Variants in CD3E observed in about 807,000 individuals in gnomAD.
CD3E encodes the protein CD3 epsilon subunit of T-cell receptor complex, also known as T-cell surface glycoprotein CD3 epsilon chain.
In CD3E, 16 loss-of-function variants were observed where a neutral mutation model predicts 34.7. The ratio of observed to expected loss-of-function variants is 0.46; its 90% CI spans 0.31 to 0.70. The LOEUF (loss-of-function observed/expected upper bound fraction) is 0.70. Among genes scored for constraint, CD3E ranks in the 30% least tolerant of loss-of-function variants. The pLI, the probability that CD3E is intolerant of heterozygous loss-of-function variation, is 0.05. For missense variants in CD3E, 223 were observed against 253.9 expected (o/e 0.88, Z 0.83); for synonymous variants, 70 against 90.8 (o/e 0.77, Z 1.30).
intron 6 of CD3E, 75 bp from the exon 7 acceptor site, chr11:118,313,632 A>G (rs1948148374): frequency 3.6e-6 from 5 of 1,398,592 alleles, no homozygotes; most frequent in African/African-American, 1.4e-5. Context: ...GCCTTCATGC[A>G]CTCCCTCCTC....
At chr11:118,312,423 C>A in intron 5 of CD3E, 195 bp from the exon 6 acceptor site, 1 of 733,366 alleles carries the variant, frequency 1.4e-6, no homozygotes. Flanking sequence ...TAGTTCCCTT[C>A]AAGGTTCTCT....
In CD3E at chr11:118,304,769, A is replaced by C; in HGVS notation, c.-67A>C. 1.4e-6 allele frequency: 1 copy of C among 692,182 alleles called. No individual in the cohort carries two copies. Among genetic ancestry groups the C allele is most frequent in the Admixed American group, 2.0e-5 (1 of 50,534 alleles). 42.9% of individuals were successfully genotyped at this position (692,182 alleles called of 1,614,324 possible). A position where few individuals can be genotyped will look rare whatever the true frequency, so the allele number is the denominator to read the frequency against. On this transcript the variant is annotated 5_prime_UTR_variant, in exon 1 of 9. Coordinates refer to ENST00000361763, the MANE Select transcript of CD3E (RefSeq NM_000733.4). The stretch of plus-strand genomic sequence containing the variant: ...CCTCCCAGCCTCAGGTGCCTGCTTC[A>C]GAAAATGGTGAGTCTCTCTCTTATA...
In CD3E at chr11:118,315,646, T is replaced by C; in HGVS notation, c.*104T>C. The C allele has an allele frequency of 9.7e-7, 1 of 1,027,154 alleles. No individual in the cohort carries two copies. Among genetic ancestry groups the C allele is most frequent in the Non-Finnish European group, 1.5e-6 (1 of 674,350 alleles). 63.6% of individuals were successfully genotyped at this position (1,027,154 alleles called of 1,614,324 possible). On this transcript the variant is annotated 3_prime_UTR_variant, in exon 9 of 9. Coordinates refer to ENST00000361763, the MANE Select transcript of CD3E (RefSeq NM_000733.4). ...CTTGGACCCCACGAGAGAGAATCGT[T>C]CCTCAGCCTCATGGTGAACTCGCGC...
intron 8 of CD3E, among the ~76,000 whole-genome samples, chr11:118,314,824 A>G (rs908184487): frequency 2.0e-5 from 3 of 152,200 alleles, no homozygotes; most frequent in African/African-American, 7.2e-5. Flanking sequence ...ATATTCCACC[A>G]GCATGCACCA....
chr11:118,315,649 T>C lies in CD3E; in HGVS notation c.*107T>C. 9.9e-7 allele frequency: 1 copy of C among 1,013,066 alleles called. No homozygotes were observed. 62.8% of individuals were successfully genotyped at this position (1,013,066 alleles called of 1,614,324 possible). A position where few individuals can be genotyped will look rare whatever the true frequency, so the allele number is the denominator to read the frequency against. On this transcript the variant is annotated 3_prime_UTR_variant, in exon 9 of 9. Coordinates refer to ENST00000361763, the MANE Select transcript of CD3E (RefSeq NM_000733.4). Reference sequence around the variant, plus strand: ...GGACCCCACGAGAGAGAATCGTTCCTCAGCCTCATGGTGAACTCGCGCCCT... The same window carrying C: ...GGACCCCACGAGAGAGAATCGTTCCCCAGCCTCATGGTGAACTCGCGCCCT...
At position 118,312,822 on chromosome 11, in the gene CD3E, G is replaced by C. The variant is rs775071042; in HGVS notation, c.308G>C (p.Ser103Thr). The change falls in exon 6 of 9, where the codon AGC (serine) becomes ACC (threonine). Residue 103 changes from serine (S) to threonine (T), a missense_variant. By Grantham distance (58) the Ser-to-Thr change is moderately conservative. Transcript: ENST00000361763. ...TATTATGTCTGCTACCCCAGAGGAAGCAAACCAGAAGATGCGAACTTTTAT... is the reference window on the plus strand; with the variant it reads ...TATTATGTCTGCTACCCCAGAGGAACCAAACCAGAAGATGCGAACTTTTAT... ...SGYYVCYPRG[S>T]KPEDANFYLY... The C allele has an allele frequency of 1.2e-6, 2 of 1,614,194 alleles. No individual in the cohort carries two copies. Among genetic ancestry groups the C allele is most frequent in the South Asian group, 2.2e-5 (2 of 91,088 alleles).
chr11:118,315,650 C>G lies in CD3E; in HGVS notation c.*108C>G. On this transcript the variant is annotated 3_prime_UTR_variant, in exon 9 of 9. Coordinates refer to ENST00000361763, the MANE Select transcript of CD3E (RefSeq NM_000733.4). ...GACCCCACGAGAGAGAATCGTTCCT[C>G]AGCCTCATGGTGAACTCGCGCCCTC... The G allele has an allele frequency of 9.9e-7, 1 of 1,006,874 alleles. No homozygotes were observed. The highest frequency in any genetic ancestry group is 1.5e-6 in the Non-Finnish European group (1 of 656,546). The allele number at this position is 1,006,874 out of a possible 1,614,324, so 62.4% of individuals were successfully genotyped here.
At chr11:118,311,171 C>T (rs1304342671) in intron 4 of CD3E, among the ~76,000 whole-genome samples, 2 of 152,180 alleles carry the variant, frequency 1.3e-5, no homozygotes, top group African/African-American at 4.8e-5. Context: ...AGGGCAGATC[C>T]AGGATTCAAA....
In CD3E at chr11:118,315,632, C is replaced by T. The variant is rs201116390; in HGVS notation, c.*90C>T. On this transcript the variant is annotated 3_prime_UTR_variant, in exon 9 of 9. Coordinates refer to ENST00000361763, the MANE Select transcript of CD3E (RefSeq NM_000733.4). The stretch of plus-strand genomic sequence containing the variant: ...TTTCCTGGGCTAGTCTTGGACCCCA[C>T]GAGAGAGAATCGTTCCTCAGCCTCA... 2.6e-6 allele frequency: 3 copies of T among 1,135,654 alleles called. No homozygotes were observed. Among genetic ancestry groups the T allele is most frequent in the South Asian group, 1.3e-5 (1 of 75,874 alleles). The allele number at this position is 1,135,654 out of a possible 1,614,324, so 70.3% of individuals were successfully genotyped here.
rs1382459222 is a variant in CD3E, at chr11:118,312,751, G to C, written c.237G>C (p.Glu79Asp). ...ATGATAAAAACATAGGCAGTGATGAGGATCACCTGTCACTGAAGGAATTTT... is the reference window on the plus strand; with the variant it reads ...ATGATAAAAACATAGGCAGTGATGACGATCACCTGTCACTGAAGGAATTTT... Reference protein sequence around the residue: ...DEDDKNIGSDEDHLSLKEFSE... With the variant: ...DEDDKNIGSDDDHLSLKEFSE... Residue 79 changes from glutamate (E) to aspartate (D), a missense_variant, in exon 6 of 9, where the codon GAG becomes GAC. Transcript: ENST00000361763. The C allele has an allele frequency of 6.2e-7, 1 of 1,614,046 alleles. No individual in the cohort carries two copies. Among genetic ancestry groups the C allele is most frequent in the South Asian group, 1.1e-5 (1 of 91,086 alleles).
At chr11:118,312,277 C>T (rs2134766142) in intron 5 of CD3E, 107 bp downstream of exon 5, 1 of 1,021,050 alleles carries the variant, frequency 9.8e-7, no homozygotes, top group East Asian at 2.4e-5. Flanking sequence ...GATATCTTCC[C>T]AGCATTGCAT....
At chr11:118,314,003 A>T in intron 7 of CD3E, 129 bp downstream of exon 7, 1 of 869,174 alleles carries the variant, frequency 1.2e-6, no homozygotes, top group Non-Finnish European at 1.9e-6. Flanking sequence ...AGCTTCTATT[A>T]CTGTGATGAC....
At chr11:118,313,577 G>T in intron 6 of CD3E, 130 bp from the exon 7 acceptor site, 1 of 834,962 alleles carries the variant, frequency 1.2e-6, no homozygotes. Context: ...ATATTGAAGG[G>T]GGGGCTCTGA....
At chr11:118,309,567 C>T (rs1948125155) in intron 4 of CD3E, among the ~76,000 whole-genome samples, 1 of 149,318 alleles carries the variant, frequency 6.7e-6, no homozygotes, top group Non-Finnish European at 1.5e-5. Context: ...CAGAGCAAGA[C>T]TCTGTCTCAA....
chr11:118,315,576 G>A lies in CD3E; in HGVS notation c.*34G>A, dbSNP rs770715556. 4 of 1,574,638 alleles carry A rather than the reference G, an allele frequency of 2.5e-6. No homozygotes were observed. Among genetic ancestry groups the A allele is most frequent in the Non-Finnish European group, 3.5e-6 (4 of 1,152,340 alleles). ...AGAACACTGCCTCCCGCTGGCCCAGGTCTCCTCTCCAGTCCCCCTGCGACT... is the reference window on the plus strand; with the variant it reads ...AGAACACTGCCTCCCGCTGGCCCAGATCTCCTCTCCAGTCCCCCTGCGACT... On this transcript the variant is annotated 3_prime_UTR_variant, in exon 9 of 9. Transcript: ENST00000361763.
rs1292173296 is a variant in CD3E at position 118,309,897 on chromosome 11, C to T, written c.85+1456C>T. Among the ~76,000 whole-genome samples, 7 of 152,188 alleles carry T rather than the reference C, an allele frequency of 4.6e-5. No individual in the cohort carries two copies. The South Asian group carries it at 8.3e-4, about 18-fold the overall frequency. Reference sequence around the variant, plus strand: ...CTTTGGGAGGCCAAGGCAGGAGGCTCGCTTGAGCTCAGAAGGTTGAGGCTG... The same window carrying T: ...CTTTGGGAGGCCAAGGCAGGAGGCTTGCTTGAGCTCAGAAGGTTGAGGCTG... On this transcript the variant is annotated intron_variant, in intron 4 of 8. Coordinates refer to ENST00000361763, the MANE Select transcript of CD3E (RefSeq NM_000733.4).
chr11:118,309,093 A>G (rs1187049159), intron 4 of CD3E, among the ~76,000 whole-genome samples: 2 of 152,220 alleles, frequency 1.3e-5, no homozygotes, highest in Admixed American at 6.5e-5. Flanking sequence ...TAACTGAGCT[A>G]GATCAGAATG....
intron 6 of CD3E, chr11:118,313,331 C>T: frequency 2.7e-6 from 1 of 374,302 alleles, no homozygotes; most frequent in Non-Finnish European, 5.1e-6. Flanking sequence ...ACTGTCTGTA[C>T]CCAACACTTA....
At chr11:118,305,161 A>G (rs1016821112) in intron 2 of CD3E, among the ~76,000 whole-genome samples, 160 bp downstream of exon 2, 1 of 152,248 alleles carries the variant, frequency 6.6e-6, no homozygotes, top group Admixed American at 6.5e-5. Context: ...GGGACTAAAG[A>G]AAAAGATAGG....
Sources: gnomAD v4.1 joint callset for allele counts (sites outside exome capture counted in the v4.1 genomes callset) on GRCh38, gnomAD v4.1.1 for gene constraint, MANE v1.5 for transcripts, NCBI Gene and HGNC (gene_info 2026-07-23, HGNC 2026-07-21) for gene names.